RNF180: variants seen among roughly 807,000 people sequenced by gnomAD.
RNF180 encodes E3 ubiquitin-protein ligase RNF180.
Under a neutral mutation model 59.2 loss-of-function variants are expected in RNF180, and 38 were observed. The observed-to-expected ratio is 0.64, with a 90% CI of 0.50 to 0.84. RNF180 has a LOEUF of 0.84. Among genes scored for constraint, RNF180 ranks in the 40% least tolerant of loss-of-function variants. The probability of loss-of-function intolerance (pLI) is 0.00; values close to 1 mark genes in which losing one functional copy is unlikely to be tolerated. For synonymous variants in RNF180, 262 were observed against 240.3 expected, an observed-to-expected ratio of 1.09 and a Z score of -0.84; for missense variants, 705 against 700.9, an observed-to-expected ratio of 1.01 and a Z score of -0.07.
chr5:64,351,322 CT>C (rs1365807580), intron 7 of RNF180, among the ~76,000 whole-genome samples: 1 of 152,104 alleles, frequency 6.6e-6, no homozygotes, highest in Non-Finnish European at 1.5e-5. Context: ...ATGGGGTTTT[CT>C]AAATATACAA....
chr5:64,165,976 C>T (rs1252478904), intron 1 of RNF180, 23 bp downstream of exon 1: 1 of 152,930 alleles, frequency 6.5e-6, no homozygotes, highest in Non-Finnish European at 1.5e-5. Flanking sequence ...GGGTCGGAGT[C>T]GGGCGGGGCG....
intron 1 of RNF180, among the ~76,000 whole-genome samples, chr5:64,200,432 G>A (rs1751684799): frequency 6.6e-6 from 1 of 152,122 alleles, no homozygotes; most frequent in South Asian, 2.1e-4. Flanking sequence ...CCCAGCCTGG[G>A]TGACAAGAGT....
intron 1 of RNF180, among the ~76,000 whole-genome samples, chr5:64,181,762 A>G (rs955181668): frequency 2.0e-5 from 3 of 152,198 alleles, no homozygotes; most frequent in Non-Finnish European, 2.9e-5. Context: ...CTGAAATACT[A>G]TGGAACAAGG....
At chr5:64,265,699 T>TG (rs1331810415) in intron 5 of RNF180, among the ~76,000 whole-genome samples, 1 of 152,128 alleles carries the variant, frequency 6.6e-6, no homozygotes, top group East Asian at 1.9e-4. Flanking sequence ...AGGATTGTCT[T>TG]GCTAGACAGG....
chr5:64,353,176 G>A (rs757505447), intron 7 of RNF180, among the ~76,000 whole-genome samples: 8 of 151,538 alleles, frequency 5.3e-5, no homozygotes, highest in African/African-American at 4.8e-5. Flanking sequence ...TAGACTAATT[G>A]GTAATATCTA....
rs556652627 is a variant in RNF180, at chr5:64,322,908, A to G, written c.1228-2278A>G. Reference sequence around the variant, plus strand: ...TACTGCTCAGGTGATGGGTGCACCAAAATCTCACACATCACTACTAAACAA... The same window carrying G: ...TACTGCTCAGGTGATGGGTGCACCAGAATCTCACACATCACTACTAAACAA... On this transcript the variant is annotated intron_variant, in intron 5 of 7. Transcript: ENST00000389100. 7.9e-5 allele frequency among the ~76,000 whole-genome samples: 12 copies of G among 152,220 alleles called. No homozygotes were observed. In the South Asian group the frequency reaches 2.5e-3, roughly 32 times the overall value.
intron 5 of RNF180, among the ~76,000 whole-genome samples, chr5:64,315,936 T>G (rs1443079786): frequency 6.6e-6 from 1 of 152,064 alleles, no homozygotes; most frequent in East Asian, 1.9e-4. Flanking sequence ...TTCCCATAAG[T>G]GAGTATAATG....
At chr5:64,316,880 C>T (rs965880871) in intron 5 of RNF180, among the ~76,000 whole-genome samples, 2 of 152,106 alleles carry the variant, frequency 1.3e-5, no homozygotes, top group African/African-American at 2.4e-5. Context: ...AAGGGGGATG[C>T]GTCCAGCGAC....
At chr5:64,246,443 C>T (rs1405992604) in intron 5 of RNF180, among the ~76,000 whole-genome samples, 1 of 152,082 alleles carries the variant, frequency 6.6e-6, no homozygotes, top group Non-Finnish European at 1.5e-5. Flanking sequence ...CTAGTGATCC[C>T]ACAGAAATAC....
chr5:64,317,163 T>TAC (rs1233000184), intron 5 of RNF180, among the ~76,000 whole-genome samples: 30 of 152,218 alleles, frequency 2.0e-4, no homozygotes, highest in Admixed American at 3.3e-4. Context: ...TGTGTGTGTG[T>TAC]ACACACACAT....
At chr5:64,247,175 T>G (rs1245260461) in intron 5 of RNF180, among the ~76,000 whole-genome samples, 2 of 152,314 alleles carry the variant, frequency 1.3e-5, no homozygotes, top group East Asian at 3.9e-4. Flanking sequence ...GGGCAAAAGC[T>G]GGAAGCATTC....
chr5:64,273,118 G>A (rs775285512), intron 5 of RNF180, among the ~76,000 whole-genome samples: 4 of 151,836 alleles, frequency 2.6e-5, no homozygotes, highest in Admixed American at 6.6e-5. Flanking sequence ...TCCTCATGAT[G>A]CACTAATTAT....
intron 5 of RNF180, among the ~76,000 whole-genome samples, chr5:64,324,224 A>G (rs1744513915): frequency 6.6e-6 from 1 of 152,212 alleles, no homozygotes; most frequent in Non-Finnish European, 1.5e-5. Context: ...AAACAAGATA[A>G]TTACTGGAGC....
chr5:64,232,108 A>AGATAGT, intron 5 of RNF180, among the ~76,000 whole-genome samples: 1 of 152,194 alleles, frequency 6.6e-6, no homozygotes, highest in African/African-American at 2.4e-5. Context: ...AGATAGTAAT[A>AGATAGT]AATACTGAGA....
At chr5:64,243,370 T>C (rs1742912193) in intron 5 of RNF180, among the ~76,000 whole-genome samples, 1 of 152,158 alleles carries the variant, frequency 6.6e-6, no homozygotes, top group Admixed American at 6.5e-5. Context: ...CAGTCTGAAG[T>C]TGACCTGGGA....
Position 64,372,109 on chromosome 5 carries a change from TATC to T in RNF180, c.*2298_*2300del, listed in dbSNP as rs1746676680. 6.6e-6 allele frequency: 1 copy of T among 151,944 alleles called. No individual in the cohort carries two copies. The highest frequency in any genetic ancestry group is 1.9e-4 in the East Asian group (1 of 5,166). The allele number at this position is 151,944 out of a possible 1,614,324, so 9.4% of individuals were successfully genotyped here. A position where few individuals can be genotyped will look rare whatever the true frequency, so the allele number is the denominator to read the frequency against. On this transcript the variant is annotated 3_prime_UTR_variant, in exon 8 of 8. Coordinates refer to ENST00000389100, the MANE Select transcript of RNF180 (RefSeq NM_001113561.2). Reference sequence around the variant, plus strand: ...ATTTAATAAGCTTAATTTTATGAGTTATCATTATCAATAATTTCTATTTCTACC... The same window carrying T: ...ATTTAATAAGCTTAATTTTATGAGTTATTATCAATAATTTCTATTTCTACC...
At chr5:64,250,637 C>A (rs1743507458) in intron 5 of RNF180, among the ~76,000 whole-genome samples, 1 of 151,930 alleles carries the variant, frequency 6.6e-6, no homozygotes, top group African/African-American at 2.4e-5. Context: ...CAATTATACA[C>A]CAACAAATTG....
At chr5:64,227,165 C>T (rs967422135) in intron 5 of RNF180, among the ~76,000 whole-genome samples, 5 of 152,192 alleles carry the variant, frequency 3.3e-5, no homozygotes, top group African/African-American at 7.2e-5. Flanking sequence ...GCGTCAGCAT[C>T]GGGACTTGCA....
intron 5 of RNF180, among the ~76,000 whole-genome samples, chr5:64,219,519 A>T (rs1216445740): frequency 1.3e-5 from 2 of 150,124 alleles, no homozygotes; most frequent in African/African-American, 4.9e-5. Context: ...TGAGGATAAC[A>T]TTTTTTTTTC....
Sources: allele counts gnomAD v4.1 joint callset (sites outside exome capture counted in the v4.1 genomes callset), GRCh38; gene constraint gnomAD v4.1.1; transcripts MANE v1.5; gene names NCBI Gene and HGNC (gene_info 2026-07-23, HGNC 2026-07-21).